KCNC2: variants seen among roughly 807,000 people sequenced by gnomAD.
KCNC2 encodes voltage-gated potassium channel KCNC2.
Under a neutral mutation model 44.5 loss-of-function variants are expected in KCNC2, and 21 were observed. The observed-to-expected ratio is 0.47, with a 90% confidence interval of 0.33 to 0.68. The LOEUF (loss-of-function observed/expected upper bound fraction) is 0.68. Ranked by LOEUF, KCNC2 falls within the 30% of genes least tolerant of loss-of-function variation. The pLI is 0.01. For synonymous variants in KCNC2, 391 were observed against 339.1 expected, an observed-to-expected ratio of 1.15 and a Z score of -1.68; for missense variants, 589 against 826.2, an observed-to-expected ratio of 0.71 and a Z score of 3.52.
At chr12:75,201,587 A>G (rs2031282229) in intron 2 of KCNC2, among the ~76,000 whole-genome samples, 1 of 151,828 alleles carries the variant, frequency 6.6e-6, no homozygotes, top group Non-Finnish European at 1.5e-5. Flanking sequence ...TAGGTCTCTT[A>G]GGTCTCAATT....
At position 75,041,376 on chromosome 12, in the gene KCNC2, G is replaced by A; in HGVS notation, c.*1729C>T. ...GCTGTACAACATCTCCAACATGCAG[G>A]TCATGCTCTAGGACTTGGGGATATA... On this transcript the variant is annotated 3_prime_UTR_variant, in exon 5 of 5. Transcript: ENST00000549446. 7.0e-7 allele frequency: 1 copy of A among 1,432,986 alleles called. No homozygotes were observed. The highest frequency in any genetic ancestry group is 9.2e-7 in the Non-Finnish European group (1 of 1,091,138). 88.8% of individuals were successfully genotyped at this position (1,432,986 alleles called of 1,614,324 possible).
At chr12:75,047,121 A>G (rs986183428) in intron 4 of KCNC2, among the ~76,000 whole-genome samples, 2 of 152,172 alleles carry the variant, frequency 1.3e-5, no homozygotes, top group African/African-American at 4.8e-5. Flanking sequence ...ACCATAAGAC[A>G]TTATTATAGT....
intron 2 of KCNC2, among the ~76,000 whole-genome samples, chr12:75,111,515 T>C (rs1290497660): frequency 6.6e-6 from 1 of 151,288 alleles, no homozygotes. Flanking sequence ...ATATACTGAC[T>C]TATTGTATAT....
At chr12:75,140,167 TC>T (rs1377699268) in intron 2 of KCNC2, 1 of 152,198 alleles carries the variant, frequency 6.6e-6, no homozygotes, top group African/African-American at 2.4e-5. Context: ...GACTTTTTTT[TC>T]TGGGCACTTC....
intron 2 of KCNC2, among the ~76,000 whole-genome samples, chr12:75,144,088 A>G (rs552527452): frequency 3.3e-5 from 5 of 152,290 alleles, no homozygotes; most frequent in African/African-American, 1.2e-4. Flanking sequence ...ACTTGCCACC[A>G]AAAGGGGAAA....
At chr12:75,140,438 T>C (rs1203016895) in intron 2 of KCNC2, among the ~76,000 whole-genome samples, 1 of 151,078 alleles carries the variant, frequency 6.6e-6, no homozygotes, top group Admixed American at 6.6e-5. Flanking sequence ...CATACAAATA[T>C]AAGTAATTTA....
chr12:75,130,148 C>CA (rs762806354), intron 2 of KCNC2, among the ~76,000 whole-genome samples: 3 of 151,968 alleles, frequency 2.0e-5, no homozygotes, highest in Non-Finnish European at 4.4e-5. Flanking sequence ...GTATAATTTC[C>CA]CAAAGAGATT....
At chr12:75,148,810 A>G (rs1477676486) in intron 2 of KCNC2, among the ~76,000 whole-genome samples, 2 of 152,088 alleles carry the variant, frequency 1.3e-5, no homozygotes, top group Middle Eastern at 3.4e-3. Flanking sequence ...TAATTAGTCA[A>G]TATTCTGAAT....
intron 2 of KCNC2, among the ~76,000 whole-genome samples, chr12:75,190,743 T>C (rs563748744): frequency 6.6e-6 from 1 of 152,214 alleles, no homozygotes; most frequent in East Asian, 1.9e-4. Flanking sequence ...AAAGAGATGT[T>C]TCCAAATTGA....
chr12:75,141,753 GAGA>G (rs1889669662), intron 2 of KCNC2, among the ~76,000 whole-genome samples: 1 of 152,166 alleles, frequency 6.6e-6, no homozygotes, highest in African/African-American at 2.4e-5. Context: ...ACTGGGTTGA[GAGA>G]AGAACAATAC....
At chr12:75,153,652 CA>C (rs199974377) in intron 2 of KCNC2, among the ~76,000 whole-genome samples, 29 of 147,180 alleles carry the variant, frequency 2.0e-4, no homozygotes, top group South Asian at 6.4e-4. Flanking sequence ...TATGTTTCTG[CA>C]AAAAAAAATG....
intron 2 of KCNC2, among the ~76,000 whole-genome samples, chr12:75,085,425 C>A (rs942436898): frequency 6.6e-6 from 1 of 152,024 alleles, no homozygotes; most frequent in Admixed American, 6.6e-5. Flanking sequence ...TGAGCATATA[C>A]TGTGGACCAG....
chr12:75,042,670 G>A lies in KCNC2; in HGVS notation c.*435C>T. ...GAGACAAGATGGTCCATGCAAATGA[G>A]CTGACACAAGTCATGTCGTGTGCAA... On this transcript the variant is annotated 3_prime_UTR_variant, in exon 5 of 5. Coordinates refer to ENST00000549446, the MANE Select transcript of KCNC2 (RefSeq NM_139137.4). 1.7e-6 allele frequency: 2 copies of A among 1,202,702 alleles called. No homozygotes were observed. The highest frequency in any genetic ancestry group is 1.6e-5 in the African/African-American group (1 of 63,524). 74.5% of individuals were successfully genotyped at this position (1,202,702 alleles called of 1,614,324 possible). A position where few individuals can be genotyped will look rare whatever the true frequency, so the allele number is the denominator to read the frequency against.
intron 2 of KCNC2, among the ~76,000 whole-genome samples, chr12:75,135,600 T>A (rs1889169999): frequency 6.6e-6 from 1 of 152,034 alleles, no homozygotes; most frequent in Non-Finnish European, 1.5e-5. Flanking sequence ...AATCTGATAA[T>A]TCCAGAACTT....
At chr12:75,132,499 C>G (rs1000101442) in intron 2 of KCNC2, among the ~76,000 whole-genome samples, 1 of 152,010 alleles carries the variant, frequency 6.6e-6, no homozygotes, top group Non-Finnish European at 1.5e-5. Flanking sequence ...ACAATTTTTA[C>G]TATAAAACTA....
rs200768950 is a variant in KCNC2, at chr12:75,097,789, GA to G, written c.688-46473del. ...CTGCTTATCAGCTTTTTGACTTTGG[GA>G]AAAAAAATTAACATCTCAAAACCAA... is the stretch of plus-strand genomic sequence containing the variant. On this transcript the variant is annotated intron_variant, in intron 2 of 4. Transcript: ENST00000549446. Among the ~76,000 whole-genome samples, 6 of 151,596 alleles carry G rather than the reference GA, an allele frequency of 4.0e-5. No homozygotes were observed. The East Asian group carries it at 5.8e-4, about 15-fold the overall frequency.
At chr12:75,169,265 G>A (rs1891657311) in intron 2 of KCNC2, among the ~76,000 whole-genome samples, 1 of 151,446 alleles carries the variant, frequency 6.6e-6, no homozygotes, top group South Asian at 2.1e-4. Context: ...CACATAATGA[G>A]CATTGAACAA....
rs2031837414 is a variant in KCNC2, at chr12:75,207,883, A to C, written c.101T>G (p.Leu34Arg). 1 of 1,612,610 alleles carries C rather than the reference A, an allele frequency of 6.2e-7. No individual in the cohort carries two copies. Among genetic ancestry groups the C allele is most frequent in the Non-Finnish European group, 8.5e-7 (1 of 1,179,902 alleles). ...GGGCTCGGAGGAGGCAAGAAGGGCC[A>C]GGCGTGTTCCAGGCAGGGTCTTGAG... is the stretch of plus-strand genomic sequence containing the variant. ...STLKTLPGTRLALLASSEPPG... is the reference protein window; with the variant it reads ...STLKTLPGTRRALLASSEPPG... The change falls in exon 2 of 5, where the codon CTG (leucine) becomes CGG (arginine). Residue 34 changes from leucine to arginine, a missense_variant. Leu to Arg is a moderately radical substitution (Grantham distance 102). This residue lies in a region of KCNC2 where 148 missense variants were observed against 140.1 expected (regional missense o/e 1.06). Transcript: ENST00000549446. The surrounding 1 kb of genome is among the most constrained non-coding windows in gnomAD (Gnocchi z 4.1).
intron 2 of KCNC2, among the ~76,000 whole-genome samples, chr12:75,150,894 T>G (rs1890344939): frequency 6.6e-6 from 1 of 151,942 alleles, no homozygotes; most frequent in Non-Finnish European, 1.5e-5. Context: ...CCTTCAAAAC[T>G]CTAAAGTAAA....
Sources: allele counts gnomAD v4.1 joint callset (sites outside exome capture counted in the v4.1 genomes callset), GRCh38; gene constraint gnomAD v4.1.1; regional missense constraint gnomAD v4.1.1; non-coding constraint Gnocchi (gnomAD v3.1); transcripts MANE v1.5; gene names NCBI Gene and HGNC (gene_info 2026-07-23, HGNC 2026-07-21).